The following CTNNA2 variants were observed in gnomAD, a reference collection of about 807,000 sequenced individuals.
CTNNA2 encodes the protein catenin alpha-2.
A neutral mutation model predicts 101.0 loss-of-function variants in CTNNA2; 42 were observed. That is an observed-to-expected ratio of 0.42 (90% CI 0.32 to 0.54). The LOEUF (loss-of-function observed/expected upper bound fraction) is 0.54. Among genes scored for constraint, CTNNA2 ranks in the 20% least tolerant of loss-of-function variants. The probability of loss-of-function intolerance (pLI) is 0.14; values close to 1 mark genes in which losing one functional copy is unlikely to be tolerated. For missense variants in CTNNA2, 871 were observed against 1,223.1 expected (o/e 0.71, Z 4.29); for synonymous variants, 450 against 456.4 (o/e 0.99, Z 0.18).
intron 15 of CTNNA2, among the ~76,000 whole-genome samples, chr2:80,598,691 C>T (rs887024294): frequency 2.6e-5 from 4 of 152,154 alleles, no homozygotes; most frequent in African/African-American, 9.7e-5. Flanking sequence ...ATCTATGCCA[C>T]AGACTACTAC....
At chr2:79,993,178 C>T (rs1692300469) in intron 7 of CTNNA2, among the ~76,000 whole-genome samples, 1 of 152,122 alleles carries the variant, frequency 6.6e-6, no homozygotes, top group Non-Finnish European at 1.5e-5. Context: ...GAGGTTTGTT[C>T]ATTTTATCTA....
At chr2:80,222,829 A>G (rs1014818494) in intron 7 of CTNNA2, among the ~76,000 whole-genome samples, 1 of 152,216 alleles carries the variant, frequency 6.6e-6, no homozygotes, top group African/African-American at 2.4e-5. Context: ...ATTTGCAAAT[A>G]TGTACAATAT....
intron 7 of CTNNA2, among the ~76,000 whole-genome samples, chr2:80,230,697 C>G (rs1466098279): frequency 6.6e-6 from 1 of 152,174 alleles, no homozygotes; most frequent in African/African-American, 2.4e-5. Flanking sequence ...AGGCTTGGAA[C>G]CACTGCAGCT....
intron 1 of CTNNA2, among the ~76,000 whole-genome samples, chr2:79,514,460 CAT>C (rs1671700874): frequency 6.6e-6 from 1 of 152,178 alleles, no homozygotes. Context: ...GCTTCGGAAC[CAT>C]TGTTAATAAT....
intron 2 of CTNNA2, among the ~76,000 whole-genome samples, chr2:79,244,074 C>A (rs1445871190): frequency 6.6e-6 from 1 of 152,198 alleles, no homozygotes; most frequent in East Asian, 1.9e-4. Context: ...TCATCCATTT[C>A]TCTCCCTGCC....
At chr2:79,562,717 A>G (rs1379990614) in intron 1 of CTNNA2, among the ~76,000 whole-genome samples, 1 of 152,112 alleles carries the variant, frequency 6.6e-6, no homozygotes. Flanking sequence ...TTGGGTATAT[A>G]TTGTATTTCT....
rs189997833 is a variant in CTNNA2 at position 80,068,015 on chromosome 2, A to T, written c.1056+158218A>T. 2.0e-5 allele frequency among the ~76,000 whole-genome samples: 3 copies of T among 152,356 alleles called. No homozygotes were observed. In the East Asian group the frequency reaches 5.8e-4, roughly 29 times the overall value. The stretch of plus-strand genomic sequence containing the variant: ...GCTCCCTGACTTCTGATCCACAGAA[A>T]CTATGAGAGATAGTAAACATTTGTT... On this transcript the variant is annotated intron_variant, in intron 7 of 18. Coordinates refer to ENST00000402739, the MANE Select transcript of CTNNA2 (RefSeq NM_001282597.3).
At chr2:80,410,463 C>A (rs1044406051) in intron 8 of CTNNA2, among the ~76,000 whole-genome samples, 14 of 152,274 alleles carry the variant, frequency 9.2e-5, no homozygotes, top group Middle Eastern at 3.4e-3. Context: ...ATTAATATTC[C>A]TTTGTCACAC....
At chr2:79,974,838 G>A (rs1242056840) in intron 7 of CTNNA2, among the ~76,000 whole-genome samples, 1 of 152,186 alleles carries the variant, frequency 6.6e-6, no homozygotes, top group Non-Finnish European at 1.5e-5. Context: ...TTAAGTTGGG[G>A]AGGAGTCAGA....
At chr2:80,243,179 G>A (rs185610410) in intron 7 of CTNNA2, among the ~76,000 whole-genome samples, 22 of 152,268 alleles carry the variant, frequency 1.4e-4, no homozygotes, top group Admixed American at 9.8e-4. Flanking sequence ...GAAACATTAT[G>A]GGGGTCATCC....
At chr2:79,725,114 A>G (rs531187513) in intron 2 of CTNNA2, among the ~76,000 whole-genome samples, 3 of 152,314 alleles carry the variant, frequency 2.0e-5, no homozygotes, top group African/African-American at 4.8e-5. Context: ...TGTGATTTCA[A>G]TTCCATGATG....
Position 80,265,188 on chromosome 2 carries a change from T to G in CTNNA2, c.1057-128023T>G, listed in dbSNP as rs529915999. ...CAGGGTTTCACCATGTTGGCCAGAC[T>G]GGTCTCGAACTCCTGACCTCAGGAG... On this transcript the variant is annotated intron_variant, in intron 7 of 18. Coordinates refer to ENST00000402739, the MANE Select transcript of CTNNA2 (RefSeq NM_001282597.3). Among the ~76,000 whole-genome samples the G allele has an allele frequency of 6.6e-5, 10 of 152,268 alleles. No homozygotes were observed. In the South Asian group the frequency reaches 1.9e-3, roughly 28 times the overall value.
At chr2:80,165,378 T>G (rs186713141) in intron 7 of CTNNA2, among the ~76,000 whole-genome samples, 5 of 152,272 alleles carry the variant, frequency 3.3e-5, no homozygotes, top group Non-Finnish European at 7.3e-5. Flanking sequence ...CACTGAAATT[T>G]TAATTTTTGT....
At chr2:80,032,008 TTTC>T (rs1258900275) in intron 7 of CTNNA2, among the ~76,000 whole-genome samples, 1 of 152,316 alleles carries the variant, frequency 6.6e-6, no homozygotes, top group African/African-American at 2.4e-5. Context: ...CAACAGCATT[TTTC>T]TTCTTCTCCT....
chr2:80,523,988 G>A (rs1346023131), intron 9 of CTNNA2, among the ~76,000 whole-genome samples: 1 of 152,152 alleles, frequency 6.6e-6, no homozygotes, highest in Non-Finnish European at 1.5e-5. Context: ...ATAAGCAAAA[G>A]CATAGCATAA....
chr2:79,800,175 T>A (rs1487298375), intron 3 of CTNNA2, among the ~76,000 whole-genome samples: 1 of 152,208 alleles, frequency 6.6e-6, no homozygotes, highest in Admixed American at 6.5e-5. Flanking sequence ...CTAATTCAAA[T>A]TTGAAAAGAA....
At chr2:79,523,248 G>A (rs1216909458) in intron 1 of CTNNA2, 8 of 449,242 alleles carry the variant, frequency 1.8e-5, no homozygotes, top group Middle Eastern at 3.3e-4. Context: ...ATGGGCTGTG[G>A]CATGGGCAGA....
At chr2:80,598,704 A>G (rs1458013813) in intron 15 of CTNNA2, among the ~76,000 whole-genome samples, 2 of 152,200 alleles carry the variant, frequency 1.3e-5, no homozygotes, top group African/African-American at 2.4e-5. Flanking sequence ...ACTACTACTC[A>G]GCAATAAAAA....
Position 80,393,122 on chromosome 2 carries a change from A to G in CTNNA2, c.1057-89A>G, listed in dbSNP as rs1254713658. 17 of 951,026 alleles carry G rather than the reference A, an allele frequency of 1.8e-5. No individual in the cohort carries two copies. The East Asian group carries it at 3.9e-4, about 22-fold the overall frequency. The allele number at this position is 951,026 out of a possible 1,614,324, so 58.9% of individuals were successfully genotyped here. On this transcript the variant is annotated intron_variant, in intron 7 of 18. Transcript: ENST00000402739. ...CTTTTTAAAAAATTGTTTGAATTTAACTTCTCATGTTTTCCTGATTTTTTT... is the reference window on the plus strand; with the variant it reads ...CTTTTTAAAAAATTGTTTGAATTTAGCTTCTCATGTTTTCCTGATTTTTTT...
Sources: gnomAD v4.1 joint callset for allele counts (sites outside exome capture counted in the v4.1 genomes callset) on GRCh38, gnomAD v4.1.1 for gene constraint, MANE v1.5 for transcripts, NCBI Gene and HGNC (gene_info 2026-07-23, HGNC 2026-07-21) for gene names.